Variants in NLGN1 observed in about 807,000 individuals in gnomAD.
NLGN1 encodes the protein neuroligin 1, also known as neuroligin-1.
In NLGN1, 12 loss-of-function variants were observed where a neutral mutation model predicts 65.5. The observed-to-expected ratio is 0.18, with a 90% confidence interval of 0.12 to 0.30. The LOEUF is 0.30. NLGN1 is among the 10% of genes least tolerant of loss of function. The pLI, the probability that NLGN1 is intolerant of heterozygous loss-of-function variation, is 1.00. For missense variants in NLGN1, 750 were observed against 1,007.1 expected, an observed-to-expected ratio of 0.74 and a Z score of 3.46; for synonymous variants, 350 against 359.5, an observed-to-expected ratio of 0.97 and a Z score of 0.30.
intron 2 of NLGN1, among the ~76,000 whole-genome samples, chr3:173,550,096 C>G (rs1740585691): frequency 1.3e-5 from 2 of 152,010 alleles, no homozygotes. Context: ...TTTTTAATAT[C>G]TCAATTGAAG....
intron 2 of NLGN1, among the ~76,000 whole-genome samples, chr3:173,453,329 C>T (rs1413521559): frequency 6.6e-6 from 1 of 150,854 alleles, no homozygotes; most frequent in African/African-American, 2.4e-5. Flanking sequence ...AATTGCTAGG[C>T]TCAAGTGATC....
chr3:174,146,673 T>C (rs1365223305), intron 4 of NLGN1, among the ~76,000 whole-genome samples: 2 of 151,892 alleles, frequency 1.3e-5, no homozygotes, highest in East Asian at 3.9e-4. Context: ...GTCAAAGCGA[T>C]TCTCCTGCCT....
chr3:174,190,390 TG>T (rs1340325550), intron 4 of NLGN1, among the ~76,000 whole-genome samples: 3 of 151,978 alleles, frequency 2.0e-5, no homozygotes, highest in African/African-American at 7.2e-5. Flanking sequence ...TTTTTGAAGG[TG>T]CCTGGAGAAG....
At chr3:174,106,217 T>C (rs1713758736) in intron 4 of NLGN1, among the ~76,000 whole-genome samples, 2 of 152,118 alleles carry the variant, frequency 1.3e-5, no homozygotes, top group Admixed American at 1.3e-4. Context: ...ACTCTGAACT[T>C]TTTGAGGTGA....
chr3:173,556,410 T>C (rs2149279960), intron 2 of NLGN1, among the ~76,000 whole-genome samples: 1 of 152,344 alleles, frequency 6.6e-6, no homozygotes, highest in South Asian at 2.1e-4. Flanking sequence ...TTTATTATCA[T>C]TTAGTTAAAA....
intron 3 of NLGN1, among the ~76,000 whole-genome samples, chr3:173,726,521 C>A (rs1452830421): frequency 2.0e-5 from 3 of 151,698 alleles, no homozygotes; most frequent in Non-Finnish European, 1.5e-5. Context: ...CATGACAATA[C>A]CCTTTATTAT....
At chr3:173,685,902 G>C in intron 3 of NLGN1, 1 of 725,366 alleles carries the variant, frequency 1.4e-6, no homozygotes. Context: ...TCACTTGATT[G>C]AGAAGATTAA....
At chr3:174,242,480 C>G (rs1743063019) in intron 4 of NLGN1, among the ~76,000 whole-genome samples, 1 of 152,112 alleles carries the variant, frequency 6.6e-6, no homozygotes, top group South Asian at 2.1e-4. Context: ...CAGCTGCTCC[C>G]CATTGCTCAC....
intron 3 of NLGN1, among the ~76,000 whole-genome samples, chr3:173,667,611 A>G (rs1201543254): frequency 6.6e-6 from 1 of 152,022 alleles, no homozygotes; most frequent in Non-Finnish European, 1.5e-5. Flanking sequence ...TTCACAGTTT[A>G]TTTGGTTGCT....
At chr3:173,803,410 G>A (rs1715902544) in intron 3 of NLGN1, among the ~76,000 whole-genome samples, 1 of 151,984 alleles carries the variant, frequency 6.6e-6, no homozygotes, top group African/African-American at 2.4e-5. Context: ...CTTGAAATCA[G>A]GAGTAGGAGA....
chr3:173,615,727 A>G (rs1752945293), intron 3 of NLGN1, among the ~76,000 whole-genome samples: 1 of 145,798 alleles, frequency 6.9e-6, no homozygotes, highest in Admixed American at 7.1e-5. Flanking sequence ...AATGGTTTAA[A>G]ACTTTCCATC....
intron 3 of NLGN1, among the ~76,000 whole-genome samples, chr3:173,702,748 C>T (rs1042181594): frequency 1.3e-5 from 2 of 152,140 alleles, no homozygotes; most frequent in Non-Finnish European, 2.9e-5. Flanking sequence ...ACTGCGATGC[C>T]ATCAGTTTCT....
exon 7 of NLGN1, chr3:174,281,960 A>G (rs1043387262): frequency 1.3e-5 from 2 of 152,310 alleles, no homozygotes; most frequent in African/African-American, 4.8e-5. Flanking sequence ...CTGCTGATTA[A>G]GCCGTAATTA....
At chr3:173,677,581 A>T (rs1276902594) in intron 3 of NLGN1, among the ~76,000 whole-genome samples, 1 of 152,110 alleles carries the variant, frequency 6.6e-6, no homozygotes, top group Non-Finnish European at 1.5e-5. Flanking sequence ...TGTTGTGCAA[A>T]GACTACCATA....
At chr3:173,681,755 T>C (rs1394403334) in intron 3 of NLGN1, among the ~76,000 whole-genome samples, 3 of 152,214 alleles carry the variant, frequency 2.0e-5, no homozygotes, top group Non-Finnish European at 2.9e-5. Flanking sequence ...ATAAGAATAC[T>C]GAACAGACAG....
chr3:173,459,546 C>T (rs562691119), intron 2 of NLGN1, among the ~76,000 whole-genome samples: 1 of 152,076 alleles, frequency 6.6e-6, no homozygotes, highest in East Asian at 1.9e-4. Context: ...TAGTTGGCTT[C>T]CAGGTAAATG....
chr3:173,446,996 T>G (rs936097354), intron 2 of NLGN1, among the ~76,000 whole-genome samples: 1 of 152,216 alleles, frequency 6.6e-6, no homozygotes, highest in Non-Finnish European at 1.5e-5. Context: ...TGCAAAAATT[T>G]TCTCCCATTC....
At chr3:173,534,444 C>G (rs1737112919) in intron 2 of NLGN1, among the ~76,000 whole-genome samples, 1 of 152,142 alleles carries the variant, frequency 6.6e-6, no homozygotes, top group South Asian at 2.1e-4. Flanking sequence ...CCAGCTGGGT[C>G]TCTGTCTTCA....
At chr3:173,713,755 T>C (rs1332443643) in intron 3 of NLGN1, among the ~76,000 whole-genome samples, 2 of 152,238 alleles carry the variant, frequency 1.3e-5, no homozygotes, top group East Asian at 3.9e-4. Flanking sequence ...TACAGCCTTA[T>C]ACCCATCTGT....
Sources: allele counts gnomAD v4.1 joint callset (sites outside exome capture counted in the v4.1 genomes callset), GRCh38; gene constraint gnomAD v4.1.1; transcripts MANE v1.5; gene names NCBI Gene and HGNC (gene_info 2026-07-23, HGNC 2026-07-21).